The following KCNAB1 variants were observed in gnomAD, a reference collection of about 807,000 sequenced individuals.
The protein encoded by KCNAB1 is potassium voltage-gated channel subfamily A regulatory beta subunit 1, also known as voltage-gated potassium channel subunit beta-1.
KCNAB1 carries 35 observed loss-of-function variants against 64.6 expected under a neutral mutation model. The ratio of observed to expected loss-of-function variants is 0.54; its 90% confidence interval spans 0.41 to 0.72. The LOEUF (loss-of-function observed/expected upper bound fraction) is 0.72, where lower values mean the gene tolerates loss of function less well. Ranked by LOEUF, KCNAB1 falls within the 30% of genes least tolerant of loss-of-function variation. The pLI, the probability that KCNAB1 is intolerant of heterozygous loss-of-function variation, is 0.00. For missense variants in KCNAB1, 401 were observed against 512.9 expected, an observed-to-expected ratio of 0.78 and a Z score of 2.11; for synonymous variants, 177 against 183.8, an observed-to-expected ratio of 0.96 and a Z score of 0.30.
chr3:156,156,250 C>A (rs1435069533), intron 1 of KCNAB1, among the ~76,000 whole-genome samples: 4 of 151,130 alleles, frequency 2.6e-5, no homozygotes, highest in Admixed American at 1.4e-4. Context: ...TTTCTTTGGG[C>A]AAGATTAATT....
intron 11 of KCNAB1, 81 bp downstream of exon 11, chr3:156,516,445 T>A: frequency 9.9e-7 from 1 of 1,005,508 alleles, no homozygotes; most frequent in Non-Finnish European, 1.6e-6. Context: ...TGCAGCAGCC[T>A]AGGGCTTCCC....
chr3:156,538,377 T>C lies in KCNAB1; in HGVS notation c.*1630T>C, dbSNP rs539134749. 1.3e-5 allele frequency: 2 copies of C among 152,248 alleles called. No homozygotes were observed. Among genetic ancestry groups the C allele is most frequent in the Non-Finnish European group, 2.9e-5 (2 of 68,050 alleles). The allele number at this position is 152,248 out of a possible 1,614,324, so 9.4% of individuals were successfully genotyped here. ...AATCTGAAAATGCTAGTGGGAGATA[T>C]CAAGAAATTTTCTTTTTGATTACTA... On this transcript the variant is annotated 3_prime_UTR_variant, in exon 14 of 14. Coordinates refer to ENST00000490337, the MANE Select transcript of KCNAB1 (RefSeq NM_172160.3).
At chr3:156,484,062 T>C (rs1169404079) in intron 8 of KCNAB1, among the ~76,000 whole-genome samples, 1 of 152,138 alleles carries the variant, frequency 6.6e-6, no homozygotes, top group Non-Finnish European at 1.5e-5. Context: ...CCTTATTCCA[T>C]AAAGTCCTGG....
intron 1 of KCNAB1, among the ~76,000 whole-genome samples, chr3:156,364,788 C>CA (rs1358294521): frequency 6.6e-5 from 10 of 151,522 alleles, no homozygotes; most frequent in Non-Finnish European, 1.0e-4. Flanking sequence ...CCAAAAACAA[C>CA]AAAAAAACAA....
intron 1 of KCNAB1, among the ~76,000 whole-genome samples, chr3:156,312,875 G>C (rs1722023116): frequency 6.6e-6 from 1 of 152,156 alleles, no homozygotes; most frequent in Non-Finnish European, 1.5e-5. Context: ...TCTCAAGGCA[G>C]GGAAGGTGTT....
chr3:156,395,729 A>G (rs1713419260), intron 1 of KCNAB1, among the ~76,000 whole-genome samples: 1 of 152,114 alleles, frequency 6.6e-6, no homozygotes, highest in South Asian at 2.1e-4. Context: ...AACATTTCCA[A>G]AGCAGAATGC....
At chr3:156,280,574 A>G (rs1719647779) in intron 1 of KCNAB1, among the ~76,000 whole-genome samples, 1 of 144,764 alleles carries the variant, frequency 6.9e-6, no homozygotes, top group Non-Finnish European at 1.5e-5. Context: ...GGCCATTTTC[A>G]CGATATTGAT....
chr3:156,126,400 G>A (rs1405806853), intron 1 of KCNAB1, among the ~76,000 whole-genome samples: 2 of 152,304 alleles, frequency 1.3e-5, no homozygotes, highest in East Asian at 3.9e-4. Flanking sequence ...GGGGAAATTT[G>A]TAGGAGAAAG....
At chr3:156,147,508 G>C (rs1381046945) in intron 1 of KCNAB1, among the ~76,000 whole-genome samples, 1 of 152,088 alleles carries the variant, frequency 6.6e-6, no homozygotes, top group African/African-American at 2.4e-5. Context: ...TATGCTTTAA[G>C]AATTTTCCAA....
At chr3:156,335,670 G>A (rs891300736) in intron 1 of KCNAB1, among the ~76,000 whole-genome samples, 3 of 151,978 alleles carry the variant, frequency 2.0e-5, no homozygotes, top group African/African-American at 7.2e-5. Flanking sequence ...CTAACACTGA[G>A]ATACCTCAAG....
rs372936332 is a variant in KCNAB1, at chr3:156,331,799, A to T, written c.276-89817A>T. Among the ~76,000 whole-genome samples, 8 of 152,188 alleles carry T rather than the reference A, an allele frequency of 5.3e-5. No individual in the cohort carries two copies. In the East Asian group the frequency reaches 5.8e-4, roughly 11 times the overall value. ...TGTCCTTGAAATCCAGACACCTGGA[A>T]GCCCCTGGTGTTGATGAATTCCCCA... On this transcript the variant is annotated intron_variant, in intron 1 of 13. Transcript: ENST00000490337.
chr3:156,304,256 C>G (rs1403806302), intron 1 of KCNAB1, among the ~76,000 whole-genome samples: 1 of 152,152 alleles, frequency 6.6e-6, no homozygotes, highest in African/African-American at 2.4e-5. Flanking sequence ...GAATAACATT[C>G]TTTGCCAGTA....
At chr3:156,468,992 G>A (rs1166146352) in intron 7 of KCNAB1, among the ~76,000 whole-genome samples, 1 of 152,206 alleles carries the variant, frequency 6.6e-6, no homozygotes, top group Non-Finnish European at 1.5e-5. Flanking sequence ...TCAGCTTACA[G>A]AACCACGCTG....
intron 1 of KCNAB1, among the ~76,000 whole-genome samples, chr3:156,295,331 A>G (rs9872906): frequency 0.15 from 23,305 of 152,130 alleles, 4,974 homozygotes; most frequent in African/African-American, 0.49. Context: ...ACCTACTTGT[A>G]ACCCTGATAA....
intron 6 of KCNAB1, among the ~76,000 whole-genome samples, chr3:156,463,998 A>C (rs1276486050): frequency 6.6e-6 from 1 of 152,190 alleles, no homozygotes; most frequent in African/African-American, 2.4e-5. Flanking sequence ...AGATTTTTCA[A>C]ATACCAATCT....
intron 11 of KCNAB1, among the ~76,000 whole-genome samples, chr3:156,517,024 T>G (rs1717607384): frequency 6.6e-6 from 1 of 152,248 alleles, no homozygotes; most frequent in Non-Finnish European, 1.5e-5. Context: ...CTCTCCTTAT[T>G]AATAACAACA....
chr3:156,306,613 A>G (rs1282281973), intron 1 of KCNAB1, among the ~76,000 whole-genome samples: 2 of 152,214 alleles, frequency 1.3e-5, no homozygotes, highest in Non-Finnish European at 2.9e-5. Flanking sequence ...GGTTTGAAAG[A>G]AAAGGCATTT....
At chr3:156,534,693 T>C (rs950212045) in intron 13 of KCNAB1, among the ~76,000 whole-genome samples, 4 of 152,128 alleles carry the variant, frequency 2.6e-5, no homozygotes, top group Admixed American at 6.5e-5. Flanking sequence ...AACCCAATCC[T>C]GGGAGGACTT....
At chr3:156,161,262 A>C (rs1466067793) in intron 1 of KCNAB1, among the ~76,000 whole-genome samples, 1 of 152,112 alleles carries the variant, frequency 6.6e-6, no homozygotes, top group Non-Finnish European at 1.5e-5. Flanking sequence ...GTGCTCACCA[A>C]ATCCTGTGGA....
Sources: gnomAD v4.1 joint callset for allele counts (sites outside exome capture counted in the v4.1 genomes callset) on GRCh38, gnomAD v4.1.1 for gene constraint, MANE v1.5 for transcripts, NCBI Gene and HGNC (gene_info 2026-07-23, HGNC 2026-07-21) for gene names.